ANOS1: variants seen among roughly 807,000 people sequenced by gnomAD.
ANOS1 encodes anosmin 1.
In ANOS1, 6 loss-of-function variants were observed where a neutral mutation model predicts 59.0. The ratio of observed to expected loss-of-function variants is 0.10; its 90% CI spans 0.06 to 0.20. ANOS1 has a LOEUF of 0.20. Among genes scored for constraint, ANOS1 ranks in the 10% least tolerant of loss-of-function variants. ANOS1 has a pLI of 1.00. For synonymous variants in ANOS1, 217 were observed against 223.4 expected (o/e 0.97, Z 0.25); for missense variants, 433 against 542.3 (o/e 0.80, Z 2.00).
At chrX:8,703,595 G>A (rs1306534557) in intron 1 of ANOS1, among the ~76,000 whole-genome samples, 1 of 111,290 alleles carries the variant, frequency 9.0e-6, no homozygotes, top group African/African-American at 3.3e-5. Flanking sequence ...AACACAACAG[G>A]AAAAGCCACA....
Position 8,611,705 on chromosome X carries a change from A to T in ANOS1, c.318+11903T>A, listed in dbSNP as rs752193583. Among the ~76,000 whole-genome samples, 15 of 107,465 alleles carry T rather than the reference A, an allele frequency of 1.4e-4. No individual in the cohort carries two copies. The South Asian group carries it at 4.6e-3, about 33-fold the overall frequency. The allele number at this position is 107,465 out of a possible 115,157, so 93.3% of individuals were successfully genotyped here. ...AAGCAATATCTTTAAAATGCTATTTAAAAAAAAAATCAACTTAGAATTTTA... is the reference window on the plus strand; with the variant it reads ...AAGCAATATCTTTAAAATGCTATTTTAAAAAAAAATCAACTTAGAATTTTA... On this transcript the variant is annotated intron_variant, in intron 3 of 13. Coordinates refer to ENST00000262648, the MANE Select transcript of ANOS1 (RefSeq NM_000216.4).
At chrX:8,650,483 C>A (rs1308535859) in intron 2 of ANOS1, among the ~76,000 whole-genome samples, 1 of 111,922 alleles carries the variant, frequency 8.9e-6, no homozygotes, top group East Asian at 2.8e-4. Context: ...CAGGCTAGGC[C>A]AAGGTGGGCG....
intron 3 of ANOS1, among the ~76,000 whole-genome samples, chrX:8,605,118 C>T (rs1930915465): frequency 9.0e-6 from 1 of 111,651 alleles, no homozygotes; most frequent in South Asian, 3.8e-4. Context: ...ACACAATTTC[C>T]ATTAAATGTG....
intron 2 of ANOS1, among the ~76,000 whole-genome samples, chrX:8,668,881 A>G (rs1173161428): frequency 9.0e-6 from 1 of 111,218 alleles, no homozygotes; most frequent in Admixed American, 9.6e-5. Context: ...TTTGAGTCAA[A>G]AGGTTTGGGA....
chrX:8,596,688 T>A (rs778813313), intron 4 of ANOS1, among the ~76,000 whole-genome samples: 284 of 111,896 alleles, frequency 2.5e-3, no homozygotes, highest in African/African-American at 8.6e-3. Context: ...CCAGCCTATT[T>A]TCTAAGGATT....
chrX:8,715,895 G>T (rs1932839262), intron 1 of ANOS1, among the ~76,000 whole-genome samples: 1 of 109,629 alleles, frequency 9.1e-6, no homozygotes, highest in Non-Finnish European at 1.9e-5. Context: ...CACTATTTTT[G>T]AATCCCAGGA....
chrX:8,687,488 T>C (rs1278382821), intron 2 of ANOS1, among the ~76,000 whole-genome samples: 1 of 108,583 alleles, frequency 9.2e-6, no homozygotes, highest in Non-Finnish European at 1.9e-5. Flanking sequence ...ACTTCCTGCA[T>C]AGATATGCAT....
chrX:8,660,553 T>C (rs1262158891), intron 2 of ANOS1, among the ~76,000 whole-genome samples: 1 of 110,842 alleles, frequency 9.0e-6, no homozygotes, highest in Non-Finnish European at 1.9e-5. Context: ...GGTGGGAGGA[T>C]TGCTTGAGCC....
chrX:8,728,804 G>T (rs1932943177), intron 1 of ANOS1, among the ~76,000 whole-genome samples: 1 of 111,766 alleles, frequency 8.9e-6, no homozygotes, highest in Admixed American at 9.5e-5. Flanking sequence ...AGCAGTGTTG[G>T]ATTACTCAGG....
chrX:8,543,835 G>T (rs1397888731), intron 9 of ANOS1, among the ~76,000 whole-genome samples: 1 of 110,949 alleles, frequency 9.0e-6, no homozygotes, highest in Non-Finnish European at 1.9e-5. Context: ...TTGCACTCCA[G>T]CCTGGGCAAC....
Position 8,537,749 on chromosome X carries a change from CGTGTGT to C in ANOS1, c.1450-813_1450-808del, listed in dbSNP as rs202035920. Among the ~76,000 whole-genome samples, 112 of 94,731 alleles carry C rather than the reference CGTGTGT, an allele frequency of 1.2e-3. 1 individual carries two copies. The highest frequency in any genetic ancestry group is 5.3e-3 in the Middle Eastern group (1 of 188). The allele number at this position is 94,731 out of a possible 115,157, so 82.3% of individuals were successfully genotyped here. On this transcript the variant is annotated intron_variant, in intron 10 of 13. Transcript: ENST00000262648. ...ACATAGTGAGACTCCATGGTTTTTA[CGTGTGT>C]GTGTGTGTGTGTGTGTGTGTGTGTG...
chrX:8,558,221 G>T (rs1217402723), intron 8 of ANOS1, among the ~76,000 whole-genome samples: 6 of 111,070 alleles, frequency 5.4e-5, no homozygotes, highest in Non-Finnish European at 1.1e-4. Context: ...ACCTAATGTA[G>T]ATGACGAGTT....
chrX:8,536,496 C>A (rs961221595), intron 11 of ANOS1, among the ~76,000 whole-genome samples: 3 of 110,924 alleles, frequency 2.7e-5, no homozygotes, highest in Non-Finnish European at 3.8e-5. Context: ...ATAATTATAT[C>A]AAACTTTCCC....
intron 3 of ANOS1, among the ~76,000 whole-genome samples, chrX:8,614,856 G>C (rs1400247080): frequency 4.2e-5 from 2 of 47,496 alleles, no homozygotes; most frequent in Non-Finnish European, 8.8e-5. Context: ...ATACTCCCCC[G>C]AGTAATATAA....
At chrX:8,703,531 A>G (rs759829750) in intron 1 of ANOS1, among the ~76,000 whole-genome samples, 1 of 112,078 alleles carries the variant, frequency 8.9e-6, no homozygotes, top group East Asian at 2.8e-4. Flanking sequence ...TAGTCAGGGA[A>G]ACCAAGTAAA....
intron 2 of ANOS1, among the ~76,000 whole-genome samples, chrX:8,695,891 T>C (rs1458813972): frequency 9.0e-6 from 1 of 111,494 alleles, no homozygotes; most frequent in Non-Finnish European, 1.9e-5. Flanking sequence ...CTGGTACTTA[T>C]TAGTAAAGTG....
chrX:8,580,404 A>G (rs1359072486), intron 6 of ANOS1, among the ~76,000 whole-genome samples: 3 of 111,858 alleles, frequency 2.7e-5, no homozygotes, highest in Admixed American at 1.9e-4. Flanking sequence ...ATATTTATGC[A>G]TTTTTTCTGG....
chrX:8,548,914 G>A (rs969391624), intron 9 of ANOS1, among the ~76,000 whole-genome samples: 7 of 111,839 alleles, frequency 6.3e-5, no homozygotes, highest in African/African-American at 2.0e-4. Context: ...AACTGACTGC[G>A]AGGCATTTCC....
At chrX:8,560,993 C>T (rs142670505) in intron 8 of ANOS1, among the ~76,000 whole-genome samples, 170 of 112,162 alleles carry the variant, frequency 1.5e-3, no homozygotes, top group African/African-American at 5.3e-3. Context: ...GTTATCGAAA[C>T]TCTTCTAATA....
Sources: allele counts gnomAD v4.1 joint callset (sites outside exome capture counted in the v4.1 genomes callset), GRCh38; gene constraint gnomAD v4.1.1; transcripts MANE v1.5; gene names NCBI Gene and HGNC (gene_info 2026-07-23, HGNC 2026-07-21).